ACSL5: variants seen among roughly 807,000 people sequenced by gnomAD.
ACSL5 encodes acyl-CoA synthetase long chain family member 5, also known as long-chain-fatty-acid--CoA ligase 5.
In ACSL5, 50 loss-of-function variants were observed where a neutral mutation model predicts 84.9. That is an observed-to-expected ratio of 0.59 (90% confidence interval 0.47 to 0.75). The LOEUF (loss-of-function observed/expected upper bound fraction) is 0.75. Ranked by LOEUF, ACSL5 falls within the 30% of genes least tolerant of loss-of-function variation. ACSL5 has a pLI of 0.00. For missense variants in ACSL5, 775 were observed against 830.4 expected (o/e 0.93, Z 0.82); for synonymous variants, 280 against 300.7 (o/e 0.93, Z 0.71).
chr10:112,420,163 G>A (rs1461565887), intron 14 of ACSL5, among the ~76,000 whole-genome samples: 1 of 152,046 alleles, frequency 6.6e-6, no homozygotes, highest in Non-Finnish European at 1.5e-5. Flanking sequence ...AAAACCAATA[G>A]ATCAGCAGGT....
Position 112,401,786 on chromosome 10 carries a change from CTCTTTCTTTCTT to C in ACSL5, c.266-2680_266-2669del, listed in dbSNP as rs1178224793. 3.2e-3 allele frequency among the ~76,000 whole-genome samples: 379 copies of C among 119,470 alleles called. 4 individuals carry two copies. The highest frequency in any genetic ancestry group is 0.012 in the African/African-American group (338 of 28,148). The allele number at this position is 119,470 out of a possible 152,430, so 78.4% of individuals were successfully genotyped here. A position where few individuals can be genotyped will look rare whatever the true frequency, so the allele number is the denominator to read the frequency against. ...TTTCTTTCTTTCTTTTTCTTTCTTT[CTCTTTCTTTCTT>C]TCTTTCTTTCTTTCTTTCTTTCTTT... On this transcript the variant is annotated intron_variant, in intron 3 of 20. Coordinates refer to ENST00000354655, the MANE Select transcript of ACSL5 (RefSeq NM_203379.2).
rs373859785 is a variant in ACSL5, at chr10:112,417,831, G to A, written c.1219-15G>A. 3.1e-6 allele frequency: 5 copies of A among 1,612,166 alleles called. No individual in the cohort carries two copies. Among genetic ancestry groups the A allele is most frequent in the African/African-American group, 1.3e-5 (1 of 74,858 alleles). The stretch of plus-strand genomic sequence containing the variant: ...GAGAATAGGTTTTAGTATGTCTTTT[G>A]TTTCCACTGAACAGGACAGCCTGGG... On this transcript the variant is annotated splice_polypyrimidine_tract_variant and intron_variant, in intron 13 of 20. Coordinates refer to ENST00000354655, the MANE Select transcript of ACSL5 (RefSeq NM_203379.2).
intron 1 of ACSL5, among the ~76,000 whole-genome samples, chr10:112,385,944 A>T (rs1849443033): frequency 6.6e-6 from 1 of 152,108 alleles, no homozygotes; most frequent in Non-Finnish European, 1.5e-5. Flanking sequence ...TTTTATACTT[A>T]AGTCTTTGAC....
Position 112,421,617 on chromosome 10 carries a change from G to C in ACSL5, c.1339G>C (p.Glu447Gln), listed in dbSNP as rs777147410. 6.2e-7 allele frequency: 1 copy of C among 1,614,180 alleles called. No individual in the cohort carries two copies. ...CQVYEAYGQT[E>Q]CTGGCTFTLP... ...GGTGTATGAAGCTTATGGTCAAACA[G>C]AATGCACAGGTGGCTGTACATTTAC... Residue 447 changes from glutamate (E) to glutamine (Q), a missense_variant, in exon 15 of 21, where the codon GAA (glutamate) becomes CAA (glutamine). Physicochemically the swap from Glu to Gln is conservative, Grantham distance 29. Transcript: ENST00000354655.
rs578252414 is a variant in ACSL5, at chr10:112,395,160, C to T, written c.156+58C>T. The T allele has an allele frequency of 1.1e-5, 17 of 1,537,662 alleles. No homozygotes were observed. The African/African-American group carries it at 2.0e-4, about 18-fold the overall frequency. ...CCTTCCTCAAACTCAAACTGTAACT[C>T]CAAACCTAGGGATAGCTCATGAAGG... is the stretch of plus-strand genomic sequence containing the variant. On this transcript the variant is annotated intron_variant, in intron 2 of 20. Coordinates refer to ENST00000354655, the MANE Select transcript of ACSL5 (RefSeq NM_203379.2).
At chr10:112,423,221 A>ATATAT (rs1194360717) in intron 17 of ACSL5, among the ~76,000 whole-genome samples, 1 of 16,088 alleles carries the variant, frequency 6.2e-5, no homozygotes, top group Non-Finnish European at 1.0e-4. Flanking sequence ...AAAAAAAAAA[A>ATATAT]ATATATATAT....
chr10:112,421,825 A>G (rs1422971281), intron 15 of ACSL5, 122 bp from the exon 16 acceptor site: 5 of 1,308,484 alleles, frequency 3.8e-6, no homozygotes, highest in Non-Finnish European at 5.5e-6. Flanking sequence ...GCTAGTCTGC[A>G]TTGGTGCCAG....
chr10:112,387,381 T>A (rs1849474115), intron 1 of ACSL5, among the ~76,000 whole-genome samples: 1 of 152,212 alleles, frequency 6.6e-6, no homozygotes, highest in African/African-American at 2.4e-5. Context: ...AAGGAAAAGG[T>A]TATCAGCTCT....
At position 112,415,064 on chromosome 10, in the gene ACSL5, G is replaced by A. The variant is rs145591641; in HGVS notation, c.1083+1757G>A. ...TTCCAGCAGTTTCTTACCATGCTAC[G>A]CAATTAGTAGATTTGGTGGTTGTTA... is the stretch of plus-strand genomic sequence containing the variant. On this transcript the variant is annotated intron_variant, in intron 12 of 20. Transcript: ENST00000354655. Among the ~76,000 whole-genome samples the A allele has an allele frequency of 3.9e-3, 594 of 152,324 alleles. 3 individuals carry two copies. The highest frequency in any genetic ancestry group is 0.013 in the African/African-American group (551 of 41,572).
rs148141030 is a variant in ACSL5, at chr10:112,413,176, G to A, written c.952G>A (p.Val318Ile). ...TATAATTTGGTTTTGTTTTCAGGCT[G>A]TTGTGTACAGCTGTGGAGCCAGAGT... ...AHMFERIVQA[V>I]VYSCGARVGF... Residue 318 changes from valine (V) to isoleucine (I), a missense_variant, in exon 12 of 21, where the codon GTT (valine) becomes ATT (isoleucine). Val to Ile is a conservative substitution (Grantham distance 29, BLOSUM62 3). Transcript: ENST00000354655. 6.2e-7 allele frequency: 1 copy of A among 1,614,080 alleles called. No homozygotes were observed. The highest frequency in any genetic ancestry group is 2.2e-5 in the East Asian group (1 of 44,886).
At chr10:112,379,362 G>A (rs1457248770) in intron 1 of ACSL5, among the ~76,000 whole-genome samples, 1 of 147,874 alleles carries the variant, frequency 6.8e-6, no homozygotes, top group Non-Finnish European at 1.5e-5. Context: ...CTGAGATCTC[G>A]CCACTGCACT....
chr10:112,392,630 A>G (rs1843669440), intron 1 of ACSL5, among the ~76,000 whole-genome samples: 1 of 151,984 alleles, frequency 6.6e-6, no homozygotes, highest in Non-Finnish European at 1.5e-5. Flanking sequence ...AGTCCCAGCT[A>G]CTTGGGAGGC....
At chr10:112,391,953 C>T (rs888029030) in intron 1 of ACSL5, among the ~76,000 whole-genome samples, 4 of 152,078 alleles carry the variant, frequency 2.6e-5, no homozygotes, top group Admixed American at 6.6e-5. Flanking sequence ...TCTTCCTGAC[C>T]CCACCCCCAT....
chr10:112,407,022 G>A (rs1050720917), intron 5 of ACSL5, among the ~76,000 whole-genome samples: 2 of 152,120 alleles, frequency 1.3e-5, no homozygotes, highest in African/African-American at 2.4e-5. Flanking sequence ...TTCTTACATC[G>A]TGGCAGCAAG....
rs1849235483 is a variant in ACSL5 at position 112,376,249 on chromosome 10, G to T, written c.-30+1980G>T. On this transcript the variant is annotated intron_variant, in intron 1 of 20. Transcript: ENST00000354655. ...CACGTTAGAAAGCCTGACATGGCCT[G>T]ACTCGGGACAGCTCAGAGCAGGGCA... The T allele has an allele frequency of 1.8e-5, 28 of 1,599,228 alleles. No individual in the cohort carries two copies. The South Asian group carries it at 2.9e-4, about 16-fold the overall frequency.
In ACSL5 at chr10:112,408,503, G is replaced by A. The variant is rs201126768; in HGVS notation, c.514G>A (p.Val172Ile). ...TGACACCTTGGGACCAGAAGCCATC[G>A]TACATATTGTCAACAAGGGTAAAAT... ...LYDTLGPEAI[V>I]HIVNKADIAM... Residue 172 changes from valine to isoleucine, a missense_variant, in exon 6 of 21, where the codon GTA becomes ATA. Transcript: ENST00000354655. 2.8e-5 allele frequency: 45 copies of A among 1,611,046 alleles called. No individual in the cohort carries two copies. The Middle Eastern group carries it at 4.9e-4, about 18-fold the overall frequency.
At chr10:112,418,443 G>T (rs190017348) in intron 14 of ACSL5, among the ~76,000 whole-genome samples, 3 of 152,080 alleles carry the variant, frequency 2.0e-5, no homozygotes, top group Non-Finnish European at 4.4e-5. Context: ...TTAGCTGGGC[G>T]TGGTGGTGGG....
intron 1 of ACSL5, among the ~76,000 whole-genome samples, chr10:112,389,015 C>T (rs1211362627): frequency 6.6e-6 from 1 of 151,888 alleles, no homozygotes; most frequent in Admixed American, 6.6e-5. Flanking sequence ...TGATTTTTAG[C>T]CAATAGGGAT....
At position 112,398,893 on chromosome 10, in the gene ACSL5, T is replaced by C; in HGVS notation, c.157-8T>C. 1 of 1,613,156 alleles carries C rather than the reference T, an allele frequency of 6.2e-7. No individual in the cohort carries two copies. Among genetic ancestry groups the C allele is most frequent in the African/African-American group, 1.3e-5 (1 of 75,018 alleles). ...TGAACTTGGCCTAAACTTGGTCTTG[T>C]GTCTTAGGGAGGAGCACGGAAGGGG... On this transcript the variant is annotated splice_region_variant and splice_polypyrimidine_tract_variant and intron_variant, in intron 2 of 20. Coordinates refer to ENST00000354655, the MANE Select transcript of ACSL5 (RefSeq NM_203379.2).
Sources: allele counts gnomAD v4.1 joint callset (sites outside exome capture counted in the v4.1 genomes callset), GRCh38; gene constraint gnomAD v4.1.1; transcripts MANE v1.5; gene names NCBI Gene and HGNC (gene_info 2026-07-23, HGNC 2026-07-21).